Variants in C16orf74 observed in about 807,000 individuals in gnomAD.
C16orf74 encodes the protein uncharacterized protein C16orf74.
Under a neutral mutation model 6.5 loss-of-function variants are expected in C16orf74, and 10 were observed. That is an observed-to-expected ratio of 1.54 (90% CI 0.95 to 2.61). The LOEUF (loss-of-function observed/expected upper bound fraction) is 2.61, where lower values mean the gene tolerates loss of function less well. Among genes scored for constraint, C16orf74 ranks in the 30% most tolerant of loss-of-function variants. The pLI is 0.00. For missense variants in C16orf74, 141 were observed against 105.9 expected (o/e 1.33, Z -1.45); for synonymous variants, 60 against 42.5 (o/e 1.41, Z -1.60).
At chr16:85,724,131 A>G (rs888540664) in intron 2 of C16orf74, among the ~76,000 whole-genome samples, 20 of 152,174 alleles carry the variant, frequency 1.3e-4, no homozygotes, top group African/African-American at 4.6e-4. Context: ...GTCTCAAGCA[A>G]TCCTCCTGCC....
chr16:85,744,242 A>AAAAAAG (rs2054344653), intron 1 of C16orf74: 8 of 149,724 alleles, frequency 5.3e-5, no homozygotes, highest in African/African-American at 2.0e-4. Flanking sequence ...AAAAAAAAAA[A>AAAAAAG]AAAAAGAAAA....
chr16:85,709,121 C>A (rs970201260), intron 3 of C16orf74, among the ~76,000 whole-genome samples: 1 of 152,144 alleles, frequency 6.6e-6, no homozygotes, highest in African/African-American at 2.4e-5. Flanking sequence ...TTGGGAGGCC[C>A]AGGTGGGCAG....
chr16:85,728,798 G>C (rs764243652), intron 2 of C16orf74, among the ~76,000 whole-genome samples: 2 of 152,182 alleles, frequency 1.3e-5, no homozygotes, highest in Non-Finnish European at 2.9e-5. Flanking sequence ...CTGGGCACGG[G>C]AAGTGACTTG....
rs142951512 is a variant in C16orf74, at chr16:85,748,530, G to A, written c.-19+2396C>T. Among the ~76,000 whole-genome samples the A allele has an allele frequency of 4.0e-3, 606 of 151,144 alleles. 4 individuals are homozygous for A. Among genetic ancestry groups the A allele is most frequent in the Non-Finnish European group, 7.0e-3 (475 of 67,726 alleles). ...GGAGAATCACTTGAGCCTGGGAGGC[G>A]GAGGTTGCAGTGAGCCGAGATCACG... is the stretch of plus-strand genomic sequence containing the variant. On this transcript the variant is annotated intron_variant, in intron 1 of 3. Coordinates refer to ENST00000284245, the MANE Select transcript of C16orf74 (RefSeq NM_206967.3).
At chr16:85,721,030 G>A (rs2054077546) in intron 2 of C16orf74, among the ~76,000 whole-genome samples, 1 of 152,110 alleles carries the variant, frequency 6.6e-6, no homozygotes, top group Non-Finnish European at 1.5e-5. Flanking sequence ...GGCAGAGGTT[G>A]CAGTGAACCA....
In C16orf74 at chr16:85,707,909, C is replaced by T; in HGVS notation, c.*99G>A. ...GGCCCGGGTTCGCTCAGTTCCCATC[C>T]AGGGTATTCAGCACACCTGCTCCAG... On this transcript the variant is annotated 3_prime_UTR_variant, in exon 4 of 4. Coordinates refer to ENST00000284245, the MANE Select transcript of C16orf74 (RefSeq NM_206967.3). 1 of 1,031,556 alleles carries T rather than the reference C, an allele frequency of 9.7e-7. No individual in the cohort carries two copies. The highest frequency in any genetic ancestry group is 1.4e-6 in the Non-Finnish European group (1 of 690,942). 63.9% of individuals were successfully genotyped at this position (1,031,556 alleles called of 1,614,324 possible). A position where few individuals can be genotyped will look rare whatever the true frequency, so the allele number is the denominator to read the frequency against.
chr16:85,732,112 A>G (rs973312583), intron 2 of C16orf74, among the ~76,000 whole-genome samples: 2 of 152,204 alleles, frequency 1.3e-5, no homozygotes, highest in Non-Finnish European at 2.9e-5. Flanking sequence ...CATGTGCCAC[A>G]AGGCAGAGGC....
intron 1 of C16orf74, among the ~76,000 whole-genome samples, chr16:85,748,264 T>C (rs1361927226): frequency 6.6e-6 from 1 of 151,584 alleles, no homozygotes; most frequent in African/African-American, 2.4e-5. Context: ...TTTTGGGTCA[T>C]AGGAGGATTC....
intron 2 of C16orf74, among the ~76,000 whole-genome samples, chr16:85,728,559 C>G (rs530852536): frequency 2.4e-4 from 36 of 152,280 alleles, no homozygotes; most frequent in South Asian, 1.9e-3. Flanking sequence ...TCACAGGGGT[C>G]CTCCCAGGTA....
chr16:85,750,251 G>A (rs1044505255), intron 1 of C16orf74, among the ~76,000 whole-genome samples: 3 of 152,162 alleles, frequency 2.0e-5, no homozygotes, highest in South Asian at 2.1e-4. Flanking sequence ...GATTCCATCT[G>A]GGCCCCGCAG....
chr16:85,745,592 G>A (rs1312495658), intron 1 of C16orf74, among the ~76,000 whole-genome samples: 3 of 150,402 alleles, frequency 2.0e-5, no homozygotes, highest in African/African-American at 7.3e-5. Context: ...AGAATCTCCC[G>A]CTGGCTGAGG....
chr16:85,736,928 C>T (rs369139723), intron 1 of C16orf74, among the ~76,000 whole-genome samples: 33 of 152,038 alleles, frequency 2.2e-4, no homozygotes, highest in Admixed American at 1.0e-3. Context: ...CTTGTAATAC[C>T]GGCTACTCAG....
At chr16:85,724,463 G>A (rs2054113204) in intron 2 of C16orf74, among the ~76,000 whole-genome samples, 1 of 152,200 alleles carries the variant, frequency 6.6e-6, no homozygotes, top group Non-Finnish European at 1.5e-5. Flanking sequence ...CTGGCTGGGT[G>A]ACCTCAGGTG....
chr16:85,738,956 G>A (rs969414878), intron 1 of C16orf74, among the ~76,000 whole-genome samples: 6 of 149,758 alleles, frequency 4.0e-5, no homozygotes, highest in African/African-American at 1.5e-4. Context: ...TGACAGAACA[G>A]GGATTTGAAG....
chr16:85,714,959 A>G (rs1281105505), intron 2 of C16orf74, among the ~76,000 whole-genome samples: 1 of 151,022 alleles, frequency 6.6e-6, no homozygotes, highest in Non-Finnish European at 1.5e-5. Flanking sequence ...GATCGAGACC[A>G]TCCTGGCTAA....
At chr16:85,709,495 GTTATTA>G (rs57478569) in intron 3 of C16orf74, among the ~76,000 whole-genome samples, 2,169 of 147,390 alleles carry the variant, frequency 0.015, 54 homozygotes, top group African/African-American at 0.047. Context: ...CATCCCCAAT[GTTATTA>G]TTATTATTAT....
chr16:85,738,701 G>A (rs549912893), intron 1 of C16orf74, among the ~76,000 whole-genome samples: 175 of 152,092 alleles, frequency 1.2e-3, no homozygotes, highest in South Asian at 3.3e-3. Context: ...CCCTATGGGA[G>A]GAGTGAGGGG....
chr16:85,722,991 G>A (rs2054097752), intron 2 of C16orf74, among the ~76,000 whole-genome samples: 1 of 152,328 alleles, frequency 6.6e-6, no homozygotes, highest in African/African-American at 2.4e-5. Context: ...CTAATTTCAG[G>A]CTCATGCCTG....
At chr16:85,750,039 G>T (rs2152068067) in intron 1 of C16orf74, among the ~76,000 whole-genome samples, 1 of 152,290 alleles carries the variant, frequency 6.6e-6, no homozygotes, top group East Asian at 1.9e-4. Flanking sequence ...CCACAGCGTT[G>T]GATGGGTGGG....
Sources: gnomAD v4.1 joint callset for allele counts (sites outside exome capture counted in the v4.1 genomes callset) on GRCh38, gnomAD v4.1.1 for gene constraint, MANE v1.5 for transcripts, NCBI Gene and HGNC (gene_info 2026-07-23, HGNC 2026-07-21) for gene names.